HECW1: variants seen among roughly 807,000 people sequenced by gnomAD.
HECW1 encodes the protein HECT, C2 and WW domain containing E3 ubiquitin protein ligase 1.
HECW1 carries 61 observed loss-of-function variants against 182.3 expected under a neutral mutation model. The observed-to-expected ratio is 0.33, with a 90% CI of 0.27 to 0.41. The LOEUF is 0.41. Ranked by LOEUF, HECW1 falls within the 10% of genes least tolerant of loss-of-function variation. The pLI, the probability that HECW1 is intolerant of heterozygous loss-of-function variation, is 1.00. For synonymous variants in HECW1, 859 were observed against 832.6 expected, an observed-to-expected ratio of 1.03 and a Z score of -0.55; for missense variants, 1,739 against 2,108.9, an observed-to-expected ratio of 0.82 and a Z score of 3.44.
At chr7:43,278,289 A>G (rs916595403) in intron 3 of HECW1, among the ~76,000 whole-genome samples, 1 of 152,084 alleles carries the variant, frequency 6.6e-6, no homozygotes, top group Non-Finnish European at 1.5e-5. Flanking sequence ...CTCCGGCCAA[A>G]ACCTGTGGTG....
chr7:43,545,761 C>T (rs1408169448), intron 26 of HECW1, among the ~76,000 whole-genome samples: 1 of 151,200 alleles, frequency 6.6e-6, no homozygotes, highest in African/African-American at 2.4e-5. Context: ...TAAAGTTTGT[C>T]TTCACTTTGA....
chr7:43,327,015 C>A (rs1277416549), intron 5 of HECW1, among the ~76,000 whole-genome samples: 1 of 152,240 alleles, frequency 6.6e-6, no homozygotes, highest in Non-Finnish European at 1.5e-5. Context: ...CATGTTTTCA[C>A]CAGGACTGCT....
At chr7:43,245,663 C>T (rs1256973424) in intron 3 of HECW1, 1 of 152,172 alleles carries the variant, frequency 6.6e-6, no homozygotes, top group Non-Finnish European at 1.5e-5. Context: ...AAGTATTCTC[C>T]CCTGACATTT....
chr7:43,373,426 G>A (rs1056914563), intron 6 of HECW1, among the ~76,000 whole-genome samples: 2 of 152,014 alleles, frequency 1.3e-5, no homozygotes, highest in African/African-American at 4.8e-5. Flanking sequence ...CCAAAGTGCT[G>A]GGATTACAGG....
chr7:43,300,612 C>A (rs1457334836), intron 3 of HECW1, among the ~76,000 whole-genome samples: 4 of 152,166 alleles, frequency 2.6e-5, no homozygotes, highest in Non-Finnish European at 5.9e-5. Context: ...CTCTAAGTTG[C>A]TCTCATAAAT....
rs548277794 is a variant in HECW1, at chr7:43,202,480, T to C, written c.-31-41395T>C. ...ATCATAAAATTTTTCTCCTTGCCTT[T>C]TTTTTTTTTTTGAAACAGAATCTCA... On this transcript the variant is annotated intron_variant, in intron 2 of 29. Coordinates refer to ENST00000395891, the MANE Select transcript of HECW1 (RefSeq NM_015052.5). Among the ~76,000 whole-genome samples the C allele has an allele frequency of 3.3e-5, 5 of 151,468 alleles. No homozygotes were observed. The East Asian group carries it at 9.6e-4, about 29-fold the overall frequency.
At position 43,479,686 on chromosome 7, in the gene HECW1, C is replaced by T; in HGVS notation, c.3176C>T (p.Pro1059Leu). The T allele has an allele frequency of 6.2e-7, 1 of 1,614,094 alleles. No homozygotes were observed. Among genetic ancestry groups the T allele is most frequent in the Non-Finnish European group, 8.5e-7 (1 of 1,180,008 alleles). The change falls in exon 17 of 30, where the codon CCC (proline) becomes CTC (leucine). Residue 1059 changes from proline (P) to leucine (L), a missense_variant. Physicochemically the swap from Pro to Leu is moderately conservative, Grantham distance 98. Transcript: ENST00000395891. ...ATCCCTCTTCAGAACGGTCGTCTTC[C>T]CAATCATCTAACTCACCGACAGCAC... Reference protein sequence around the residue: ...PRIPLQNGRLPNHLTHRQHLQ... With the variant: ...PRIPLQNGRLLNHLTHRQHLQ...
intron 19 of HECW1, among the ~76,000 whole-genome samples, chr7:43,493,905 G>A (rs933861429): frequency 3.9e-5 from 6 of 152,122 alleles, no homozygotes; most frequent in Non-Finnish European, 7.4e-5. Flanking sequence ...CTCCCAAATG[G>A]GGGTCACAAA....
At chr7:43,333,623 G>C (rs1381390420) in intron 5 of HECW1, among the ~76,000 whole-genome samples, 1 of 152,172 alleles carries the variant, frequency 6.6e-6, no homozygotes, top group South Asian at 2.1e-4. Context: ...TATAATGAAT[G>C]AATTAAGCTG....
At chr7:43,368,150 C>A (rs1816869981) in intron 6 of HECW1, among the ~76,000 whole-genome samples, 2 of 152,216 alleles carry the variant, frequency 1.3e-5, no homozygotes, top group Admixed American at 1.3e-4. Context: ...CCATGCTCAT[C>A]AAGCCACCTG....
intron 2 of HECW1, among the ~76,000 whole-genome samples, chr7:43,228,687 T>C (rs1797638077): frequency 6.6e-6 from 1 of 152,220 alleles, no homozygotes; most frequent in African/African-American, 2.4e-5. Context: ...AGTACACATT[T>C]TGTGTGTGTG....
chr7:43,312,098 T>A lies in HECW1; in HGVS notation c.352+11T>A. On this transcript the variant is annotated intron_variant, in intron 4 of 29. Transcript: ENST00000395891. The stretch of plus-strand genomic sequence containing the variant: ...GCATGTACCTCATTGGTGAGTAGAA[T>A]GTGCCAAGTGTATTATTCATAATTC... 1 of 1,601,588 alleles carries A rather than the reference T, an allele frequency of 6.2e-7. No homozygotes were observed. Among genetic ancestry groups the A allele is most frequent in the Non-Finnish European group, 8.6e-7 (1 of 1,169,262 alleles).
At chr7:43,356,575 C>G (rs1426776599) in intron 5 of HECW1, among the ~76,000 whole-genome samples, 1 of 152,216 alleles carries the variant, frequency 6.6e-6, no homozygotes, top group African/African-American at 2.4e-5. Flanking sequence ...TTTCACTCAA[C>G]TGCTGCAGAA....
At chr7:43,171,660 CTA>C (rs1791707254) in intron 2 of HECW1, among the ~76,000 whole-genome samples, 1 of 152,192 alleles carries the variant, frequency 6.6e-6, no homozygotes, top group Non-Finnish European at 1.5e-5. Context: ...AGAAAAATAT[CTA>C]AGCCTGAGAT....
intron 24 of HECW1, 94 bp downstream of exon 24, chr7:43,509,215 A>AC: frequency 5.7e-6 from 7 of 1,226,132 alleles, no homozygotes; most frequent in Non-Finnish European, 7.0e-6. Context: ...CTGTGTTTAG[A>AC]GCAGTGGCCA....
intron 7 of HECW1, among the ~76,000 whole-genome samples, chr7:43,402,169 C>T (rs1249082851): frequency 6.6e-6 from 1 of 152,138 alleles, no homozygotes; most frequent in African/African-American, 2.4e-5. Flanking sequence ...TCTGATTCTT[C>T]CTGGACGCCA....
intron 8 of HECW1, among the ~76,000 whole-genome samples, chr7:43,412,975 G>A (rs1464602259): frequency 1.4e-5 from 2 of 147,590 alleles, no homozygotes; most frequent in Non-Finnish European, 3.0e-5. Context: ...ACCCAGTAAT[G>A]GGATGGCTGG....
intron 8 of HECW1, among the ~76,000 whole-genome samples, chr7:43,424,319 T>TA: frequency 6.6e-6 from 1 of 152,278 alleles, no homozygotes; most frequent in East Asian, 1.9e-4. Context: ...GAAAAAAAGT[T>TA]ACTAAAAAAA....
intron 2 of HECW1, among the ~76,000 whole-genome samples, chr7:43,150,503 T>C (rs746842336): frequency 1.6e-4 from 24 of 152,106 alleles, no homozygotes; most frequent in Non-Finnish European, 2.6e-4. Context: ...CTCAGCCTCC[T>C]GAGTAGCTGG....
Sources: gnomAD v4.1 joint callset for allele counts (sites outside exome capture counted in the v4.1 genomes callset) on GRCh38, gnomAD v4.1.1 for gene constraint, MANE v1.5 for transcripts, NCBI Gene and HGNC (gene_info 2026-07-23, HGNC 2026-07-21) for gene names.